OPLAH: variants seen among roughly 807,000 people sequenced by gnomAD.
OPLAH encodes 5-oxoprolinase, ATP-hydrolysing, also known as 5-oxoprolinase.
A neutral mutation model predicts 122.8 loss-of-function variants in OPLAH; 103 were observed. That is an observed-to-expected ratio of 0.84 (90% CI 0.71 to 0.99). The LOEUF is 0.99. Ranked by LOEUF, OPLAH falls within the 50% of genes least tolerant of loss-of-function variation. OPLAH has a pLI of 0.00. For missense variants in OPLAH, 1,902 were observed against 1,836.5 expected, an observed-to-expected ratio of 1.04 and a Z score of -0.65; for synonymous variants, 875 against 796.0, an observed-to-expected ratio of 1.10 and a Z score of -1.67.
At chr8:144,056,354 C>A (rs964256012) in intron 14 of OPLAH, 31 bp downstream of exon 14, 2 of 1,595,436 alleles carry the variant, frequency 1.3e-6, no homozygotes, top group African/African-American at 2.7e-5. Flanking sequence ...CCCATGGGTG[C>A]TGTCAGGCTG....
In OPLAH at chr8:144,055,582, A is replaced by C. The variant is rs536905742; in HGVS notation, c.2248+206T>G. 2.4e-4 allele frequency among the ~76,000 whole-genome samples: 37 copies of C among 152,168 alleles called. No individual in the cohort carries two copies. The South Asian group carries it at 7.7e-3, about 32-fold the overall frequency. Reference sequence around the variant, plus strand: ...GCTAGGAGGGCACTCTCTGGATCACATGGCTGCAGGTAAGGGGGGAAGGTG... The same window carrying C: ...GCTAGGAGGGCACTCTCTGGATCACCTGGCTGCAGGTAAGGGGGGAAGGTG... On this transcript the variant is annotated intron_variant, in intron 16 of 26. Transcript: ENST00000618853. The surrounding 1 kb of genome is among the most constrained non-coding windows in gnomAD (Gnocchi z 6.5).
rs782469088 is a variant in OPLAH, at chr8:144,056,489, G to A, written c.1879C>T (p.Arg627Trp). 1.5e-5 allele frequency: 24 copies of A among 1,611,594 alleles called. No homozygotes were observed. The highest frequency in any genetic ancestry group is 5.5e-5 in the South Asian group (5 of 91,014). Reference protein sequence around the residue: ...MREFGFVIPERPVVVDDVRVR... With the variant: ...MREFGFVIPEWPVVVDDVRVR... ...CGCACATCGTCCACGACCACCGGCC[G>A]CTCAGGTATGACAAAGCCAAACTCC... Residue 627 changes from arginine to tryptophan, a missense_variant, in exon 14 of 27, where the codon CGG becomes TGG. Around this residue, in one of 3 missense-constraint regions of OPLAH, gnomAD observed 1,726 missense variants for 1,642.1 expected, o/e 1.05. Coordinates refer to ENST00000618853, the MANE Select transcript of OPLAH (RefSeq NM_017570.5).
chr8:144,051,485 GGGGGGGC>G lies in OPLAH; in HGVS notation c.3721-20_3721-14del. 8 of 1,473,272 alleles carry G rather than the reference GGGGGGGC, an allele frequency of 5.4e-6. No individual in the cohort carries two copies. The highest frequency in any genetic ancestry group is 6.3e-6 in the Non-Finnish European group (7 of 1,107,016). The allele number at this position is 1,473,272 out of a possible 1,614,324, so 91.3% of individuals were successfully genotyped here. A position where few individuals can be genotyped will look rare whatever the true frequency, so the allele number is the denominator to read the frequency against. The stretch of plus-strand genomic sequence containing the variant: ...GACAGAACACATCCTGTTGGCGCGG[GGGGGGGC>G]GGGGAGGCGGGCTCAGTGCAGGCGT... On this transcript the variant is annotated splice_polypyrimidine_tract_variant and intron_variant, in intron 26 of 26. Coordinates refer to ENST00000618853, the MANE Select transcript of OPLAH (RefSeq NM_017570.5).
chr8:144,051,071 C>T, downstream of OPLAH: 1 of 1,328,142 alleles, frequency 7.5e-7, no homozygotes, highest in Non-Finnish European at 9.6e-7. Context: ...GGTGGCTGGG[C>T]CTGCGGCACT....
At position 144,058,763 on chromosome 8, in the gene OPLAH, C is replaced by T. The variant is rs566854306; in HGVS notation, c.587+10G>A. The T allele has an allele frequency of 1.2e-5, 19 of 1,590,608 alleles. No homozygotes were observed. The Admixed American group carries it at 2.9e-4, about 24-fold the overall frequency. ...CCTGCTCCCGCAGCCCACAGCCCCACCTCACTCACGTGTACGAGTGCATGA... is the reference window on the plus strand; with the variant it reads ...CCTGCTCCCGCAGCCCACAGCCCCATCTCACTCACGTGTACGAGTGCATGA... On this transcript the variant is annotated intron_variant, in intron 5 of 26. Transcript: ENST00000618853.
At chr8:144,061,107 C>T (rs544051900), upstream of OPLAH, among the ~76,000 whole-genome samples, 49 of 152,356 alleles carry the variant, frequency 3.2e-4, no homozygotes, top group Admixed American at 2.8e-3. Context: ...CTCTCCTGTG[C>T]GGTATCTCTG....
At position 144,053,237 on chromosome 8, in the gene OPLAH, A is replaced by G; in HGVS notation, c.2843T>C (p.Val948Ala). Residue 948 changes from valine to alanine, a missense_variant, in exon 20 of 27, where the codon GTG (valine) becomes GCG (alanine). Transcript: ENST00000618853. ...AATATGGCCCATGTAGGCCTGCACC[A>G]CGTCCAGGCCGTACTGCCCAATGAG... The part of the protein sequence containing the change: ...GELIGQYGLD[V>A]VQAYMGHIQA... 6.2e-7 allele frequency: 1 copy of G among 1,612,800 alleles called. No individual in the cohort carries two copies. The highest frequency in any genetic ancestry group is 8.5e-7 in the Non-Finnish European group (1 of 1,179,792).
Position 144,058,423 on chromosome 8 carries a change from C to T in OPLAH, c.784-19G>A, listed in dbSNP as rs1453371120. The T allele has an allele frequency of 7.6e-6, 12 of 1,585,560 alleles. No individual in the cohort carries two copies. The highest frequency in any genetic ancestry group is 5.6e-5 in the South Asian group (5 of 89,666). ...GCACATCCTGCGAGCGGGCAGCAGG[C>T]GGGCCATGAGGGGCAGGCCAAGGCC... On this transcript the variant is annotated intron_variant, in intron 6 of 26. Coordinates refer to ENST00000618853, the MANE Select transcript of OPLAH (RefSeq NM_017570.5).
Position 144,055,150 on chromosome 8 carries a change from G to A in OPLAH, c.2288C>T (p.Thr763Ile). The change falls in exon 17 of 27, where the codon ACC (threonine) becomes ATC (isoleucine). Residue 763 changes from threonine to isoleucine, a missense_variant. Thr to Ile is a moderately conservative substitution (Grantham distance 89). Coordinates refer to ENST00000618853, the MANE Select transcript of OPLAH (RefSeq NM_017570.5). The surrounding 1 kb of genome is among the most constrained non-coding windows in gnomAD (Gnocchi z 6.5). ...GAAGTCCAGACGCTCCTTGATGTTG[G>A]TGGAGATGGCTGTGCGCTGCAGGAT... ...GRILQRTAIS[T>I]NIKERLDFSC... 6.3e-7 allele frequency: 1 copy of A among 1,578,240 alleles called. No homozygotes were observed. Among genetic ancestry groups the A allele is most frequent in the Non-Finnish European group, 8.6e-7 (1 of 1,163,046 alleles).
At chr8:144,051,695 A>G in intron 26 of OPLAH, 34 bp downstream of exon 26, 1 of 1,384,380 alleles carries the variant, frequency 7.2e-7, no homozygotes. Flanking sequence ...AGGGGAGGGG[A>G]GGGGAGGGGG....
At chr8:144,059,127 G>C in intron 3 of OPLAH, 48 bp from the exon 4 acceptor site, 2 of 1,465,818 alleles carry the variant, frequency 1.4e-6, no homozygotes, top group East Asian at 4.9e-5. Flanking sequence ...GAGGGTCCAG[G>C]CCGGGGTCCT....
In OPLAH at chr8:144,053,028, G is replaced by A. The variant is rs782051228; in HGVS notation, c.2973C>T (p.Asp991=). Reference sequence around the variant, plus strand: ...CACGGAGGCGGATGGGGGAACCGTCGTCCATGTGGTCTTCCGAGGACACCT... The same window carrying A: ...CACGGAGGCGGATGGGGGAACCGTCATCCATGTGGTCTTCCGAGGACACCT... ...PLEVSSEDHM[D]DGSPIRLRVQ... is the part of the protein sequence containing the mutation. The change falls in exon 21 of 27, where the codon GAC becomes GAT. Residue 991 remains aspartate, a synonymous_variant. Transcript: ENST00000618853. 6 of 1,603,044 alleles carry A rather than the reference G, an allele frequency of 3.7e-6. No homozygotes were observed. In the South Asian group the frequency reaches 4.5e-5, roughly 12 times the overall value.
Position 144,051,935 on chromosome 8 carries a change from G to T in OPLAH, c.3603C>A (p.Phe1201Leu), listed in dbSNP as rs1587549865. Residue 1201 changes from phenylalanine (F) to leucine (L), a missense_variant, in exon 25 of 27, where the codon TTC (phenylalanine) becomes TTA (leucine). Physicochemically the swap from Phe to Leu is conservative, Grantham distance 22. This residue lies in a region of OPLAH where 1,726 missense variants were observed against 1,642.1 expected (regional missense o/e 1.05). Transcript: ENST00000618853. ...GCGCACCGTGGAGCCCGTATGGCCG[G>T]AAGGCGCGGCGCTCGGTCAGCACTG... ...LLSVLTERRA[F>L]RPYGLHGGEP... 6.5e-7 allele frequency: 1 copy of T among 1,541,992 alleles called. No individual in the cohort carries two copies. The highest frequency in any genetic ancestry group is 1.2e-5 in the South Asian group (1 of 85,300).
At position 144,054,688 on chromosome 8, in the gene OPLAH, T is replaced by TCGGC. The variant is rs1835464960; in HGVS notation, c.2555_2558dup (p.Gly854ProfsTer109). 1 of 1,612,256 alleles carries TCGGC rather than the reference T, an allele frequency of 6.2e-7. No individual in the cohort carries two copies. Among genetic ancestry groups the TCGGC allele is most frequent in the Non-Finnish European group, 8.5e-7 (1 of 1,179,792 alleles). ...TGCCCCCGATGTCTGCGTGGTGCCC[T>TCGGC]CGGCTGGCCACATAGAACACAGGCC... On this transcript the variant is annotated frameshift_variant, in exon 19 of 27. Transcript: ENST00000618853. LOFTEE classifies it high-confidence loss of function.
At chr8:144,054,977 G>C (rs1489048857) in intron 17 of OPLAH, 52 bp downstream of exon 17, 8 of 1,046,270 alleles carry the variant, frequency 7.6e-6, no homozygotes, top group Admixed American at 3.0e-5. Context: ...GGGTGGGGGG[G>C]GGGTGGAGGG....
rs781978561 is a variant in OPLAH at position 144,054,798 on chromosome 8, G to A, written c.2511+14C>T. On this transcript the variant is annotated intron_variant, in intron 18 of 26. Coordinates refer to ENST00000618853, the MANE Select transcript of OPLAH (RefSeq NM_017570.5). ...CCACTGCCCCAGCAGAGGCAGGCGGGCAGCACCCCTCACCGGTGTGATAAC... is the reference window on the plus strand; with the variant it reads ...CCACTGCCCCAGCAGAGGCAGGCGGACAGCACCCCTCACCGGTGTGATAAC... 6.2e-7 allele frequency: 1 copy of A among 1,612,090 alleles called. No individual in the cohort carries two copies. Among genetic ancestry groups the A allele is most frequent in the Non-Finnish European group, 8.5e-7 (1 of 1,179,754 alleles).
upstream of OPLAH, chr8:144,063,872 G>A (rs1022539375): frequency 3.9e-5 from 6 of 152,434 alleles, no homozygotes; most frequent in Non-Finnish European, 4.4e-5. This position sits in a 1 kb window ranked among gnomAD's most constrained non-coding sequence, Gnocchi z 4.2. Context: ...GCAGCTCTTC[G>A]TTCTCCTGTG....
chr8:144,052,415 C>T, intron 23 of OPLAH, 34 bp downstream of exon 23: 1 of 1,528,610 alleles, frequency 6.5e-7, no homozygotes, highest in South Asian at 1.2e-5. Flanking sequence ...CCCACCCAGT[C>T]CGCCCCCGAG....
Position 144,058,657 on chromosome 8 carries a change from C to T in OPLAH, c.622G>A (p.Ala208Thr). Residue 208 changes from alanine to threonine, a missense_variant, in exon 6 of 27, where the codon GCC (alanine) becomes ACC (threonine). Ala to Thr is a moderately conservative substitution (Grantham distance 58). Transcript: ENST00000618853. Reference sequence around the variant, plus strand: ...ACGTGCGTGAAGCCCAGCTCCCGGGCCAGCACACCCACCTGCTGCTCATGC... The same window carrying T: ...ACGTGCGTGAAGCCCAGCTCCCGGGTCAGCACACCCACCTGCTGCTCATGC... ...AQHEQQVGVLARELGFTHVSL... is the reference protein window; with the variant it reads ...AQHEQQVGVLTRELGFTHVSL... The T allele has an allele frequency of 1.3e-6, 2 of 1,597,514 alleles. No individual in the cohort carries two copies. Among genetic ancestry groups the T allele is most frequent in the African/African-American group, 1.3e-5 (1 of 74,940 alleles).
Sources: gnomAD v4.1 joint callset for allele counts (sites outside exome capture counted in the v4.1 genomes callset) on GRCh38, gnomAD v4.1.1 for gene constraint, gnomAD v4.1.1 regional missense constraint, Gnocchi (gnomAD v3.1) non-coding constraint, MANE v1.5 for transcripts, NCBI Gene and HGNC (gene_info 2026-07-23, HGNC 2026-07-21) for gene names.